The following NAA35 variants were observed in gnomAD, a reference collection of about 807,000 sequenced individuals.
NAA35 encodes N-alpha-acetyltransferase 35, NatC auxiliary subunit.
A neutral mutation model predicts 101.7 loss-of-function variants in NAA35; 18 were observed. The observed-to-expected ratio is 0.18, with a 90% CI of 0.12 to 0.26. NAA35 has a LOEUF of 0.26. Among genes scored for constraint, NAA35 ranks in the 10% least tolerant of loss-of-function variants. The probability of loss-of-function intolerance (pLI) is 1.00; values close to 1 mark genes in which losing one functional copy is unlikely to be tolerated. For synonymous variants in NAA35, 267 were observed against 273.1 expected, an observed-to-expected ratio of 0.98 and a Z score of 0.22; for missense variants, 601 against 886.8, an observed-to-expected ratio of 0.68 and a Z score of 4.09.
In NAA35 at chr9:85,961,033, A is replaced by G. The variant is rs189429082; in HGVS notation, c.349-980A>G. 4.0e-3 allele frequency among the ~76,000 whole-genome samples: 613 copies of G among 152,214 alleles called. 5 individuals carry two copies. Among genetic ancestry groups the G allele is most frequent in the African/African-American group, 0.014 (572 of 41,548 alleles). Reference sequence around the variant, plus strand: ...GTGGGATTAGTGGAGAGTGGTGGAGAAGGAGGAAAGGATAAACAGAGGGAG... The same window carrying G: ...GTGGGATTAGTGGAGAGTGGTGGAGGAGGAGGAAAGGATAAACAGAGGGAG... On this transcript the variant is annotated intron_variant, in intron 5 of 22. Transcript: ENST00000361671.
At chr9:85,978,210 A>G (rs548064043) in intron 10 of NAA35, 57 bp from the exon 11 acceptor site, 17 of 1,017,964 alleles carry the variant, frequency 1.7e-5, no homozygotes, top group Non-Finnish European at 2.5e-5. Flanking sequence ...TTCCTATTTA[A>G]TGTATATCTT....
Position 85,951,857 on chromosome 9 carries a change from G to A in NAA35, c.125-4503G>A, listed in dbSNP as rs190435800. The stretch of plus-strand genomic sequence containing the variant: ...GTATTTTTAGTAGAGACGGGGTTTC[G>A]CCATGTTGGCCAGGCTGGTCTGGAA... On this transcript the variant is annotated intron_variant, in intron 2 of 22. Coordinates refer to ENST00000361671, the MANE Select transcript of NAA35 (RefSeq NM_024635.4). 5.9e-5 allele frequency among the ~76,000 whole-genome samples: 9 copies of A among 152,064 alleles called. No individual in the cohort carries two copies. In the East Asian group the frequency reaches 1.6e-3, roughly 26 times the overall value.
In NAA35 at chr9:86,025,339, C is replaced by T. The variant is rs1179485208; in HGVS notation, c.*3379C>T. Reference sequence around the variant, plus strand: ...CTTTCTTGAAGGGGTGGGGCAGAAGCTGGAAAGTCAGTTGAGGTGTAGACC... The same window carrying T: ...CTTTCTTGAAGGGGTGGGGCAGAAGTTGGAAAGTCAGTTGAGGTGTAGACC... On this transcript the variant is annotated 3_prime_UTR_variant, in exon 23 of 23. Coordinates refer to ENST00000361671, the MANE Select transcript of NAA35 (RefSeq NM_024635.4). Among the ~76,000 whole-genome samples the T allele has an allele frequency of 6.6e-6, 1 of 152,138 alleles. No homozygotes were observed. Among genetic ancestry groups the T allele is most frequent in the Non-Finnish European group, 1.5e-5 (1 of 68,024 alleles).
chr9:86,016,506 T>G, intron 17 of NAA35, 33 bp from the exon 18 acceptor site: 1 of 1,594,510 alleles, frequency 6.3e-7, no homozygotes, highest in Non-Finnish European at 8.6e-7. Context: ...CATTTAGACA[T>G]CTACCATTAA....
intron 16 of NAA35, 109 bp from the exon 17 acceptor site, chr9:86,013,610 A>T: frequency 1.0e-6 from 1 of 998,834 alleles, no homozygotes; most frequent in African/African-American, 1.6e-5. Flanking sequence ...TTGGGTGGTC[A>T]GATTTAAATT....
At chr9:86,003,530 T>TCA in intron 12 of NAA35, 55 bp from the exon 13 acceptor site, 1 of 1,075,866 alleles carries the variant, frequency 9.3e-7, no homozygotes, top group South Asian at 1.5e-5. Flanking sequence ...ATGAAGTGTT[T>TCA]TTAGCTTTTA....
chr9:85,977,261 G>A (rs189544372), intron 9 of NAA35, 102 bp from the exon 10 acceptor site: 181 of 825,332 alleles, frequency 2.2e-4, no homozygotes, highest in African/African-American at 2.1e-3. Flanking sequence ...CTGTAATGTA[G>A]TAAGTTATTA....
intron 17 of NAA35, chr9:86,014,469 G>T: frequency 2.4e-6 from 1 of 419,944 alleles, no homozygotes; most frequent in Non-Finnish European, 3.2e-6. Context: ...TGTAAAAGCT[G>T]TCATAGAAAG....
chr9:85,965,802 T>C (rs936771288), intron 6 of NAA35, among the ~76,000 whole-genome samples: 1 of 151,878 alleles, frequency 6.6e-6, no homozygotes, highest in African/African-American at 2.4e-5. Flanking sequence ...AAAAGGGAGG[T>C]AGCTAAATCT....
At chr9:85,971,255 A>G (rs779048469) in intron 6 of NAA35, among the ~76,000 whole-genome samples, 12 of 152,178 alleles carry the variant, frequency 7.9e-5, no homozygotes, top group Non-Finnish European at 1.3e-4. Context: ...ACCACTACAG[A>G]GAACTGGTCT....
chr9:85,980,833 T>C (rs960518979), intron 11 of NAA35, among the ~76,000 whole-genome samples: 7 of 152,320 alleles, frequency 4.6e-5, no homozygotes, highest in Admixed American at 1.3e-4. Context: ...TATATCCTTT[T>C]TTCGCCCCTC....
intron 4 of NAA35, among the ~76,000 whole-genome samples, chr9:85,959,351 T>C (rs1283740760): frequency 1.4e-5 from 2 of 144,736 alleles, no homozygotes; most frequent in African/African-American, 2.6e-5. Context: ...CACTCCAGCC[T>C]GGGCGACAGA....
At chr9:85,994,724 A>G (rs1831079778) in intron 11 of NAA35, among the ~76,000 whole-genome samples, 1 of 152,172 alleles carries the variant, frequency 6.6e-6, no homozygotes, top group African/African-American at 2.4e-5. Context: ...TTGTTACCAT[A>G]AATCTTTTAT....
chr9:85,964,697 C>T (rs1434328913), intron 6 of NAA35, among the ~76,000 whole-genome samples: 2 of 152,128 alleles, frequency 1.3e-5, no homozygotes, highest in Admixed American at 6.5e-5. Flanking sequence ...TTTATCTGTT[C>T]TTTCCTTACG....
At position 86,004,074 on chromosome 9, in the gene NAA35, G is replaced by A. The variant is rs140950783; in HGVS notation, c.1116+430G>A. Among the ~76,000 whole-genome samples the A allele has an allele frequency of 3.9e-3, 596 of 152,142 alleles. 6 individuals carry two copies. The highest frequency in any genetic ancestry group is 0.013 in the African/African-American group (545 of 41,528). On this transcript the variant is annotated intron_variant, in intron 13 of 22. Transcript: ENST00000361671. ...ATCTGTGAGATACAAATAAAGCAGC[G>A]CTTAGAGGGAAATTTGTAGCATTGA...
chr9:85,985,380 A>T (rs1022250715), intron 11 of NAA35, among the ~76,000 whole-genome samples: 2 of 152,256 alleles, frequency 1.3e-5, no homozygotes, highest in African/African-American at 4.8e-5. Context: ...GGATGAATGG[A>T]TGCATAAAAT....
intron 11 of NAA35, among the ~76,000 whole-genome samples, chr9:85,988,062 G>A (rs1830727365): frequency 1.3e-5 from 2 of 152,316 alleles, no homozygotes; most frequent in Admixed American, 6.5e-5. Context: ...CTAGTTAACT[G>A]GTAATCTTTG....
chr9:86,002,587 G>T (rs893114718), intron 12 of NAA35, among the ~76,000 whole-genome samples: 47 of 151,754 alleles, frequency 3.1e-4, no homozygotes, highest in African/African-American at 9.7e-4. Context: ...TTGTCTGACT[G>T]TCTTATTTCA....
At chr9:85,952,973 C>T (rs901172374) in intron 2 of NAA35, among the ~76,000 whole-genome samples, 27 of 152,094 alleles carry the variant, frequency 1.8e-4, no homozygotes, top group Non-Finnish European at 1.2e-4. Flanking sequence ...CACTTTAGGA[C>T]GCCAAGGCGG....
Sources: allele counts gnomAD v4.1 joint callset (sites outside exome capture counted in the v4.1 genomes callset), GRCh38; gene constraint gnomAD v4.1.1; transcripts MANE v1.5; gene names NCBI Gene and HGNC (gene_info 2026-07-23, HGNC 2026-07-21).